Variants in INTS1 observed in about 807,000 individuals in gnomAD.
INTS1 encodes integrator complex subunit 1.
In INTS1, 137 loss-of-function variants were observed where a neutral mutation model predicts 241.6. That is an observed-to-expected ratio of 0.57 (90% confidence interval 0.49 to 0.65). The LOEUF (loss-of-function observed/expected upper bound fraction) is 0.65, where lower values mean the gene tolerates loss of function less well. Ranked by LOEUF, INTS1 falls within the 30% of genes least tolerant of loss-of-function variation. The probability of loss-of-function intolerance (pLI) is 0.00; values close to 1 mark genes in which losing one functional copy is unlikely to be tolerated. For synonymous variants in INTS1, 1,692 were observed against 1,337.8 expected, an observed-to-expected ratio of 1.26 and a Z score of -5.78; for missense variants, 3,073 against 3,032.2, an observed-to-expected ratio of 1.01 and a Z score of -0.32.
intron 18 of INTS1, among the ~76,000 whole-genome samples, chr7:1,488,726 G>A (rs1175869068): frequency 6.6e-6 from 1 of 152,212 alleles, no homozygotes; most frequent in African/African-American, 2.4e-5. Flanking sequence ...TGCCCTTGGT[G>A]TGGTGCCCTC....
rs774747679 is a variant in INTS1, at chr7:1,503,183, G to C, written c.67C>G (p.Pro23Ala). ...CCCAGAGCAATGAAGTCTCCTGGGG[G>C]AGGGTGCCCTGCAGAGAAAGGAGAG... ...SAAAKPSGHPPPGDFIALGSK... is the reference protein window; with the variant it reads ...SAAAKPSGHPAPGDFIALGSK... The change falls in exon 3 of 48, where the codon CCC becomes GCC. Residue 23 changes from proline to alanine, a missense_variant. Physicochemically the swap from Pro to Ala is conservative, Grantham distance 27. Coordinates refer to ENST00000404767, the MANE Select transcript of INTS1 (RefSeq NM_001080453.3). The C allele has an allele frequency of 2.0e-6, 3 of 1,531,430 alleles. No individual in the cohort carries two copies. Among genetic ancestry groups the C allele is most frequent in the African/African-American group, 2.8e-5 (2 of 72,160 alleles). 94.9% of individuals were successfully genotyped at this position (1,531,430 alleles called of 1,614,324 possible).
rs943430038 is a variant in INTS1 at position 1,478,594 on chromosome 7, T to TC, written c.4490-89dup. The TC allele has an allele frequency of 9.2e-6, 14 of 1,523,796 alleles. No homozygotes were observed. The African/African-American group carries it at 1.9e-4, about 21-fold the overall frequency. 94.4% of individuals were successfully genotyped at this position (1,523,796 alleles called of 1,614,324 possible). On this transcript the variant is annotated intron_variant, in intron 32 of 47. Transcript: ENST00000404767. Reference sequence around the variant, plus strand: ...CAGGGAGGCCCCACGGTAGAAGGGCTCCCCTGGGCCCACGCGGGTACCCAC... The same window carrying TC: ...CAGGGAGGCCCCACGGTAGAAGGGCTCCCCCTGGGCCCACGCGGGTACCCAC...
In INTS1 at chr7:1,482,583, G is replaced by C; in HGVS notation, c.3666C>G (p.Arg1222=). The C allele has an allele frequency of 4.3e-6, 7 of 1,612,816 alleles. No individual in the cohort carries two copies. The highest frequency in any genetic ancestry group is 5.9e-6 in the Non-Finnish European group (7 of 1,179,860). The change falls in exon 27 of 48, where the codon CGC becomes CGG. Residue 1222 remains arginine, a synonymous_variant. Coordinates refer to ENST00000404767, the MANE Select transcript of INTS1 (RefSeq NM_001080453.3). ...ALLLPDWLKL[R]MIRSEVLRLV... Reference sequence around the variant, plus strand: ...GGCGGAGCACCTCAGAACGGATCATGCGCAGCTTCAGCCAGTCAGGAAGCA... The same window carrying C: ...GGCGGAGCACCTCAGAACGGATCATCCGCAGCTTCAGCCAGTCAGGAAGCA...
At position 1,481,804 on chromosome 7, in the gene INTS1, C is replaced by T. The variant is rs999079580; in HGVS notation, c.3704-316G>A. On this transcript the variant is annotated intron_variant, in intron 27 of 47. Transcript: ENST00000404767. The surrounding 1 kb of genome is among the most constrained non-coding windows in gnomAD (Gnocchi z 6.8). ...CCTGGGCCACGTGGGCTCGGTGACC[C>T]CACCCGAGACCTGGGGCCGCACAAG... Among the ~76,000 whole-genome samples, 1 of 152,010 alleles carries T rather than the reference C, an allele frequency of 6.6e-6. No individual in the cohort carries two copies. Among genetic ancestry groups the T allele is most frequent in the Non-Finnish European group, 1.5e-5 (1 of 67,982 alleles).
Position 1,479,424 on chromosome 7 carries a change from A to C in INTS1, c.4329+6T>G. 2.5e-6 allele frequency: 4 copies of C among 1,571,766 alleles called. No homozygotes were observed. Among genetic ancestry groups the C allele is most frequent in the Non-Finnish European group, 3.4e-6 (4 of 1,159,422 alleles). ...CCTCCCCCGCAAGAGGCCCACGCCC[A>C]AGTACCTGGTACTGGCAGAGCTGGC... On this transcript the variant is annotated splice_donor_region_variant and intron_variant, in intron 31 of 47. Transcript: ENST00000404767.
Position 1,485,327 on chromosome 7 carries a change from T to C in INTS1, c.3119A>G (p.Asp1040Gly), listed in dbSNP as rs757409490. The change falls in exon 23 of 48, where the codon GAC becomes GGC. Residue 1040 changes from aspartate to glycine, a missense_variant. Transcript: ENST00000404767. ...CAGGGCTGTGGTGCTCCTGACGCTG[T>C]CGAACAGAGGCAGGCGAGGCAGGTC... ...LRDLPRLPLF[D>G]SVRSTTALAL... 1 of 1,612,146 alleles carries C rather than the reference T, an allele frequency of 6.2e-7. No individual in the cohort carries two copies. The highest frequency in any genetic ancestry group is 1.1e-5 in the South Asian group (1 of 91,074).
At chr7:1,499,230 T>G in intron 7 of INTS1, 25 bp downstream of exon 7, 1 of 1,607,698 alleles carries the variant, frequency 6.2e-7, no homozygotes. Flanking sequence ...CGCCCCCAAC[T>G]GGGACCGGGC....
chr7:1,483,424 C>T (rs1428420823), intron 26 of INTS1: 3 of 442,142 alleles, frequency 6.8e-6, no homozygotes, highest in East Asian at 9.0e-5. Flanking sequence ...TTTGCCGCCT[C>T]CCAGGCACCG....
intron 2 of INTS1, among the ~76,000 whole-genome samples, chr7:1,503,474 A>G (rs536692589): frequency 6.6e-6 from 1 of 152,288 alleles, no homozygotes; most frequent in Admixed American, 6.5e-5. Context: ...AATAGGTGCT[A>G]TTACTCTAAC....
intron 14 of INTS1, chr7:1,494,559 G>C: frequency 1.8e-6 from 1 of 562,716 alleles, no homozygotes; most frequent in Admixed American, 3.1e-5. Flanking sequence ...TGGAAGGCGG[G>C]GGTCCGGGGG....
chr7:1,479,570 CG>C lies in INTS1; in HGVS notation c.4188del (p.Glu1397ArgfsTer26). On this transcript the variant is annotated frameshift_variant, in exon 31 of 48. Coordinates refer to ENST00000404767, the MANE Select transcript of INTS1 (RefSeq NM_001080453.3). LOFTEE classifies it high-confidence loss of function. ...ACACGCACCGTGATGCCCGGCACCT[CG>C]GGGCTGCCCTGGACGACGCGGGCCA... ...QELARVVQGS[P>X]EVPGITVRVL... 6 of 1,548,104 alleles carry C rather than the reference CG, an allele frequency of 3.9e-6. No individual in the cohort carries two copies. The highest frequency in any genetic ancestry group is 5.2e-6 in the Non-Finnish European group (6 of 1,147,710).
At chr7:1,485,050 C>T in intron 24 of INTS1, 48 bp downstream of exon 24, 1 of 1,156,236 alleles carries the variant, frequency 8.6e-7, no homozygotes. Flanking sequence ...GCCGGCTGGC[C>T]CCGTCCCCTC....
rs928593625 is a variant in INTS1, at chr7:1,471,120, G to A, written c.6347+13C>T. The A allele has an allele frequency of 5.1e-6, 8 of 1,555,444 alleles. No individual in the cohort carries two copies. Among genetic ancestry groups the A allele is most frequent in the Non-Finnish European group, 6.1e-6 (7 of 1,150,154 alleles). The stretch of plus-strand genomic sequence containing the variant: ...AGCGGTGGCGGCGGGACAGAGGCCG[G>A]CGGTGGCCTCACCTGGGGCTGTTCT... On this transcript the variant is annotated intron_variant, in intron 46 of 47. Transcript: ENST00000404767.
Position 1,479,781 on chromosome 7 carries a change from C to T in INTS1, c.4075-97G>A. The T allele has an allele frequency of 6.2e-6, 8 of 1,281,600 alleles. No homozygotes were observed. In the South Asian group the frequency reaches 8.2e-5, roughly 13 times the overall value. 79.4% of individuals were successfully genotyped at this position (1,281,600 alleles called of 1,614,324 possible). ...GCCCGGTGCAGCTCCGTGCCAGAACCGCGTCCCATCGTGTCCCTGTTCATT... is the reference window on the plus strand; with the variant it reads ...GCCCGGTGCAGCTCCGTGCCAGAACTGCGTCCCATCGTGTCCCTGTTCATT... On this transcript the variant is annotated intron_variant, in intron 30 of 47. Coordinates refer to ENST00000404767, the MANE Select transcript of INTS1 (RefSeq NM_001080453.3).
intron 25 of INTS1, 50 bp downstream of exon 25, chr7:1,483,953 A>AGCCGTAGACCTCCTCGCCCTCACCCG (rs769783214): frequency 2.3e-5 from 36 of 1,590,360 alleles, no homozygotes; most frequent in East Asian, 6.8e-5. Context: ...AGCCTCACCC[A>AGCCGTAGACCTCCTCGCCCTCACCCG]GCCGTAGACC....
chr7:1,487,448 CCCT>C lies in INTS1; in HGVS notation c.2517-2_2517del. On this transcript the variant is annotated splice_acceptor_variant and coding_sequence_variant, in exon 20 of 48. Transcript: ENST00000404767. LOFTEE classifies it high-confidence loss of function. ...TGAGGGGGAGGCCTCCGGGGGGGCC[CCCT>C]GAGGGCCACAGGGGACACGGTGCGT... 6.2e-7 allele frequency: 1 copy of C among 1,610,800 alleles called. No individual in the cohort carries two copies. Among genetic ancestry groups the C allele is most frequent in the Non-Finnish European group, 8.5e-7 (1 of 1,179,306 alleles).
chr7:1,497,033 A>C lies in INTS1; in HGVS notation c.1602+105T>G. 16 of 1,173,616 alleles carry C rather than the reference A, an allele frequency of 1.4e-5. No homozygotes were observed. Among genetic ancestry groups the C allele is most frequent in the Non-Finnish European group, 1.8e-5 (15 of 854,570 alleles). The allele number at this position is 1,173,616 out of a possible 1,614,324, so 72.7% of individuals were successfully genotyped here. ...CTCATCCCCGTACCCACGCTCAGCCAGAGCATCCGAAGGGGTGGAGTGTGC... is the reference window on the plus strand; with the variant it reads ...CTCATCCCCGTACCCACGCTCAGCCCGAGCATCCGAAGGGGTGGAGTGTGC... On this transcript the variant is annotated intron_variant, in intron 11 of 47. Coordinates refer to ENST00000404767, the MANE Select transcript of INTS1 (RefSeq NM_001080453.3). This position sits in a 1 kb window ranked among gnomAD's most constrained non-coding sequence, Gnocchi z 5.3.
intron 27 of INTS1, 29 bp downstream of exon 27, chr7:1,482,517 C>T (rs1782044761): frequency 6.3e-7 from 1 of 1,575,568 alleles, no homozygotes; most frequent in Non-Finnish European, 8.6e-7. Context: ...GAGTCAGCAG[C>T]CCCTGCCCAA....
Position 1,496,139 on chromosome 7 carries a change from C to T in INTS1, c.1711+17G>A. 1 of 1,605,804 alleles carries T rather than the reference C, an allele frequency of 6.2e-7. No individual in the cohort carries two copies. The highest frequency in any genetic ancestry group is 8.5e-7 in the Non-Finnish European group (1 of 1,172,626). On this transcript the variant is annotated intron_variant, in intron 12 of 47. Transcript: ENST00000404767. The stretch of plus-strand genomic sequence containing the variant: ...AGACCCCCACCAAGCAGGGCCAGGC[C>T]ACCCCCACATCCTTACTCCTCTTTT...
Sources: allele counts gnomAD v4.1 joint callset (sites outside exome capture counted in the v4.1 genomes callset), GRCh38; gene constraint gnomAD v4.1.1; non-coding constraint Gnocchi (gnomAD v3.1); transcripts MANE v1.5; gene names NCBI Gene and HGNC (gene_info 2026-07-23, HGNC 2026-07-21).